PTPRD: variants seen among roughly 807,000 people sequenced by gnomAD.
PTPRD encodes the protein receptor-type tyrosine-protein phosphatase delta.
Under a neutral mutation model 214.5 loss-of-function variants are expected in PTPRD, and 34 were observed. The ratio of observed to expected loss-of-function variants is 0.16; its 90% CI spans 0.12 to 0.21. PTPRD has a LOEUF of 0.21. PTPRD is among the 10% of genes least tolerant of loss of function. The pLI is 1.00. For missense variants in PTPRD, 2,545 were observed against 2,398.7 expected (o/e 1.06, Z -1.27); for synonymous variants, 1,128 against 845.7 (o/e 1.33, Z -5.79).
chr9:10,511,903 CAT>C (rs528972140), intron 2 of PTPRD, among the ~76,000 whole-genome samples: 1,376 of 112,288 alleles, frequency 0.012, 35 homozygotes, highest in African/African-American at 0.038. Context: ...CATATATATA[CAT>C]ATATATATAC....
chr9:10,248,566 T>A lies in PTPRD; in HGVS notation c.-545+92397A>T, dbSNP rs145296722. 1.9e-3 allele frequency among the ~76,000 whole-genome samples: 275 copies of A among 146,934 alleles called. 1 individual carries two copies. Among genetic ancestry groups the A allele is most frequent in the Middle Eastern group, 0.015 (4 of 268 alleles). On this transcript the variant is annotated intron_variant, in intron 3 of 45. Transcript: ENST00000381196. ...CGAGAAACCAAAATGATAGATTATC[T>A]GACCAAATTAATTTGGAGATTGTAG...
At chr9:8,329,833 C>G (rs1039446950) in intron 44 of PTPRD, among the ~76,000 whole-genome samples, 1 of 152,126 alleles carries the variant, frequency 6.6e-6, no homozygotes, top group East Asian at 1.9e-4. Context: ...ACAGCCTACT[C>G]TAGCCTCAGC....
At chr9:9,799,425 T>C (rs1375917645) in intron 5 of PTPRD, 2 of 152,152 alleles carry the variant, frequency 1.3e-5, no homozygotes, top group African/African-American at 4.8e-5. Context: ...TTTGAAGCCC[T>C]AAGGGTAGAA....
chr9:9,897,524 A>G (rs1371913835), intron 5 of PTPRD, among the ~76,000 whole-genome samples: 2 of 152,088 alleles, frequency 1.3e-5, no homozygotes, highest in African/African-American at 2.4e-5. Flanking sequence ...CAATAGGACT[A>G]TATCTATGTT....
intron 10 of PTPRD, among the ~76,000 whole-genome samples, chr9:9,084,662 T>G (rs1040179700): frequency 6.6e-6 from 1 of 152,052 alleles, no homozygotes; most frequent in African/African-American, 2.4e-5. Flanking sequence ...AGAGGTAATG[T>G]ACTGGCCTCT....
intron 11 of PTPRD, among the ~76,000 whole-genome samples, chr9:8,915,854 C>A (rs1173372479): frequency 6.6e-6 from 1 of 152,156 alleles, no homozygotes; most frequent in Non-Finnish European, 1.5e-5. Flanking sequence ...AATAAAAACA[C>A]CCTTAGAGAT....
chr9:8,328,200 T>C (rs1295645126), intron 44 of PTPRD, among the ~76,000 whole-genome samples: 1 of 152,234 alleles, frequency 6.6e-6, no homozygotes, highest in Non-Finnish European at 1.5e-5. Flanking sequence ...GGAGCTCTTG[T>C]AAGGCAGGCC....
intron 14 of PTPRD, among the ~76,000 whole-genome samples, chr9:8,590,124 C>T (rs575498012): frequency 6.6e-6 from 1 of 152,046 alleles, no homozygotes; most frequent in Admixed American, 6.6e-5. Context: ...AGATATAGTA[C>T]AGTCATAATA....
At chr9:10,004,443 G>T (rs1249372092) in intron 4 of PTPRD, among the ~76,000 whole-genome samples, 2 of 151,786 alleles carry the variant, frequency 1.3e-5, no homozygotes, top group African/African-American at 4.8e-5. Flanking sequence ...ATATGTGTAT[G>T]GCAGATAATT....
chr9:9,937,695 G>A (rs542754617), intron 5 of PTPRD, among the ~76,000 whole-genome samples: 1 of 152,114 alleles, frequency 6.6e-6, no homozygotes, highest in South Asian at 2.1e-4. Flanking sequence ...CTGTTGATGA[G>A]TTTATCTTCT....
At chr9:8,457,287 C>T (rs916642553) in intron 33 of PTPRD, among the ~76,000 whole-genome samples, 32 of 152,022 alleles carry the variant, frequency 2.1e-4, no homozygotes, top group African/African-American at 7.5e-4. Flanking sequence ...CTTGGCCGAA[C>T]GTTGCTACTA....
At chr9:10,108,454 C>A (rs2098657138) in intron 3 of PTPRD, among the ~76,000 whole-genome samples, 1 of 151,278 alleles carries the variant, frequency 6.6e-6, no homozygotes, top group Non-Finnish European at 1.5e-5. Context: ...TTTTTTTTTA[C>A]CATCTCTCTA....
chr9:10,245,973 T>C (rs1397805667), intron 3 of PTPRD, among the ~76,000 whole-genome samples: 1 of 152,138 alleles, frequency 6.6e-6, no homozygotes. Flanking sequence ...AAAGCAAGAA[T>C]TGAACATGAA....
intron 8 of PTPRD, among the ~76,000 whole-genome samples, chr9:9,570,903 A>C (rs2086175536): frequency 6.6e-6 from 1 of 151,394 alleles, no homozygotes; most frequent in Non-Finnish European, 1.5e-5. Context: ...TAATTTATAA[A>C]CCCCAACATT....
intron 3 of PTPRD, among the ~76,000 whole-genome samples, chr9:10,216,941 A>T (rs1245406342): frequency 6.6e-6 from 1 of 151,994 alleles, no homozygotes; most frequent in African/African-American, 2.4e-5. Context: ...TTCCTCCACT[A>T]GTCAAAAAAT....
rs151277491 is a variant in PTPRD at position 10,101,884 on chromosome 9, G to A, written c.-544-68094C>T. On this transcript the variant is annotated intron_variant, in intron 3 of 45. Transcript: ENST00000381196. Reference sequence around the variant, plus strand: ...GACAGTGCTGAGTGACCTGGTTTTAGGTGCTGTAAGGGACAGCATTGGAAA... The same window carrying A: ...GACAGTGCTGAGTGACCTGGTTTTAAGTGCTGTAAGGGACAGCATTGGAAA... Among the ~76,000 whole-genome samples the A allele has an allele frequency of 4.4e-3, 662 of 151,718 alleles. 3 individuals are homozygous for A. The highest frequency in any genetic ancestry group is 0.015 in the African/African-American group (631 of 41,462).
At chr9:8,815,861 C>T (rs2096909234) in intron 11 of PTPRD, among the ~76,000 whole-genome samples, 1 of 152,116 alleles carries the variant, frequency 6.6e-6, no homozygotes, top group Admixed American at 6.5e-5. Context: ...TATAATAGGC[C>T]TTACTGCTGT....
chr9:10,142,934 A>G (rs1233092395), intron 3 of PTPRD, among the ~76,000 whole-genome samples: 2 of 151,672 alleles, frequency 1.3e-5, no homozygotes, highest in African/African-American at 2.4e-5. Flanking sequence ...ACCATGGAAT[A>G]CTATGCAGCC....
intron 11 of PTPRD, among the ~76,000 whole-genome samples, chr9:8,938,875 C>T: frequency 6.6e-6 from 1 of 152,092 alleles, no homozygotes; most frequent in East Asian, 1.9e-4. Context: ...AGTTCAAATG[C>T]CCTCTTCCCT....
Sources: gnomAD v4.1 joint callset for allele counts (sites outside exome capture counted in the v4.1 genomes callset) on GRCh38, gnomAD v4.1.1 for gene constraint, MANE v1.5 for transcripts, NCBI Gene and HGNC (gene_info 2026-07-23, HGNC 2026-07-21) for gene names.